Variants in COL4A5 observed in about 807,000 individuals in gnomAD.
COL4A5 encodes collagen type IV alpha 5 chain.
COL4A5 carries 26 observed loss-of-function variants against 130.2 expected under a neutral mutation model. That is an observed-to-expected ratio of 0.20 (90% CI 0.15 to 0.28). The LOEUF (loss-of-function observed/expected upper bound fraction) is 0.28. Among genes scored for constraint, COL4A5 ranks in the 10% least tolerant of loss-of-function variants. The pLI, the probability that COL4A5 is intolerant of heterozygous loss-of-function variation, is 1.00. For synonymous variants in COL4A5, 496 were observed against 439.6 expected (o/e 1.13, Z -1.60); for missense variants, 1,131 against 1,344.3 (o/e 0.84, Z 2.48).
chrX:108,539,799 G>C lies in COL4A5; in HGVS notation c.135G>C (p.Gly45=). ...AGTGTGACTGCAGTGGCATAAAAGG[G>C]GAAAAGGTGAGGTCTTAGATTGGCA... ...GSKCDCSGIK[G]EKGERGFPGL... The change falls in exon 2 of 53, where the codon GGG becomes GGC. Residue 45 remains glycine, a synonymous_variant. Transcript: ENST00000328300. The C allele has an allele frequency of 8.3e-7, 1 of 1,202,906 alleles. No individual in the cohort carries two copies. The highest frequency in any genetic ancestry group is 1.1e-6 in the Non-Finnish European group (1 of 887,876).
intron 36 of COL4A5, among the ~76,000 whole-genome samples, chrX:108,641,893 G>T (rs2067474237): frequency 8.9e-6 from 1 of 111,770 alleles, no homozygotes; most frequent in Non-Finnish European, 1.9e-5. Flanking sequence ...CTCCTGGCCA[G>T]AACTCGGGGG....
intron 28 of COL4A5, among the ~76,000 whole-genome samples, chrX:108,606,196 A>G (rs73528318): frequency 0.1 from 11,582 of 111,587 alleles, 1,300 homozygotes; most frequent in African/African-American, 0.34. Context: ...AGTAAAATGA[A>G]TAATACAATG....
At chrX:108,477,845 G>T (rs1236200486) in intron 1 of COL4A5, among the ~76,000 whole-genome samples, 1 of 108,246 alleles carries the variant, frequency 9.2e-6, no homozygotes, top group Non-Finnish European at 1.9e-5. Context: ...AGAAGAAGGA[G>T]AAATACTCAT....
intron 36 of COL4A5, among the ~76,000 whole-genome samples, chrX:108,652,318 C>T (rs1294849867): frequency 2.7e-5 from 3 of 112,102 alleles, no homozygotes. Context: ...AAAATAGAAC[C>T]TATTTATGGT....
rs866157882 is a variant in COL4A5 at position 108,485,646 on chromosome X, G to A, written c.81+45440G>A. ...AATGGAGTCCTCATGACTCTGACTG[G>A]AGCCCTATCCTACTGTGTCTGAGCT... On this transcript the variant is annotated intron_variant, in intron 1 of 52. Transcript: ENST00000328300. 2.7e-5 allele frequency among the ~76,000 whole-genome samples: 3 copies of A among 110,049 alleles called. No individual in the cohort carries two copies. The South Asian group carries it at 1.2e-3, about 44-fold the overall frequency.
chrX:108,559,337 A>C (rs1017536486), intron 3 of COL4A5, among the ~76,000 whole-genome samples, 184 bp downstream of exon 3: 1 of 112,617 alleles, frequency 8.9e-6, no homozygotes, highest in Non-Finnish European at 1.9e-5. Flanking sequence ...TATTACTGCC[A>C]TATTCAGATG....
intron 1 of COL4A5, among the ~76,000 whole-genome samples, chrX:108,484,923 T>C (rs1025835432): frequency 1.8e-5 from 2 of 112,513 alleles, no homozygotes; most frequent in Non-Finnish European, 3.8e-5. Flanking sequence ...CCAGAGATAC[T>C]GTCAGGGAGC....
At chrX:108,634,313 CT>C (rs1484630047) in intron 36 of COL4A5, among the ~76,000 whole-genome samples, 1 of 110,633 alleles carries the variant, frequency 9.0e-6, no homozygotes, top group African/African-American at 3.3e-5. Flanking sequence ...ATTGTAGACA[CT>C]GCCACCATTT....
At chrX:108,638,343 G>A (rs1019291835) in intron 36 of COL4A5, among the ~76,000 whole-genome samples, 4 of 109,939 alleles carry the variant, frequency 3.6e-5, no homozygotes, top group African/African-American at 9.9e-5. Flanking sequence ...CTTAATTAAT[G>A]CAAAAAAAAG....
In COL4A5 at chrX:108,529,105, A is replaced by G. The variant is rs760985061; in HGVS notation, c.82-10641A>G. On this transcript the variant is annotated intron_variant, in intron 1 of 52. Transcript: ENST00000328300. ...CTTCTAAATGAAACCCTATCAAATT[A>G]ACAGTGGATTGCTCAGCAGAACCTT... 5.0e-4 allele frequency among the ~76,000 whole-genome samples: 56 copies of G among 111,997 alleles called. No individual in the cohort carries two copies. The Admixed American group carries it at 5.0e-3, about 10-fold the overall frequency.
At chrX:108,470,938 G>A (rs949445035) in intron 1 of COL4A5, among the ~76,000 whole-genome samples, 7 of 111,374 alleles carry the variant, frequency 6.3e-5, no homozygotes, top group Non-Finnish European at 1.1e-4. Flanking sequence ...TGAGTTTGTC[G>A]AAGATCAGAT....
chrX:108,604,182 C>A (rs2066690616), intron 28 of COL4A5, among the ~76,000 whole-genome samples: 1 of 111,969 alleles, frequency 8.9e-6, no homozygotes, highest in Non-Finnish European at 1.9e-5. Flanking sequence ...AGAATGAAAC[C>A]CTTTTCAGAA....
chrX:108,559,698 G>A (rs946604639), intron 3 of COL4A5, among the ~76,000 whole-genome samples: 3 of 111,814 alleles, frequency 2.7e-5, no homozygotes, highest in African/African-American at 9.8e-5. Context: ...GGGGCAGGGT[G>A]GGAGAAGGAG....
chrX:108,445,923 A>G (rs893594649), intron 1 of COL4A5, among the ~76,000 whole-genome samples: 1 of 111,276 alleles, frequency 9.0e-6, no homozygotes, highest in Admixed American at 9.6e-5. Flanking sequence ...TGTTTTTACT[A>G]TTTTCTTTCC....
chrX:108,451,466 G>A (rs2064511574), intron 1 of COL4A5, among the ~76,000 whole-genome samples: 1 of 111,989 alleles, frequency 8.9e-6, no homozygotes, highest in Non-Finnish European at 1.9e-5. Context: ...CACCAACAGT[G>A]TAAAAGTGTT....
Position 108,621,878 on chromosome X carries a change from T to C in COL4A5, c.2753T>C (p.Val918Ala). Residue 918 changes from valine (V) to alanine (A), a missense_variant, in exon 32 of 53, where the codon GTA (valine) becomes GCA (alanine). Physicochemically the swap from Val to Ala is moderately conservative, Grantham distance 64. Coordinates refer to ENST00000328300, the MANE Select transcript of COL4A5 (RefSeq NM_033380.3). ...GPLGIPGRSG[V>A]PGLKGDDGLQ... The stretch of plus-strand genomic sequence containing the variant: ...TTGGGAATTCCTGGCAGGAGTGGTG[T>C]ACCTGGTCTTAAAGGTAATAATCAA... 2 of 1,201,196 alleles carry C rather than the reference T, an allele frequency of 1.7e-6. No individual in the cohort carries two copies. The highest frequency in any genetic ancestry group is 3.5e-5 in the South Asian group (2 of 56,375).
rs2066228180 is a variant in COL4A5, at chrX:108,580,599, A to G, written c.834+13A>G. ...ACGTGGTCCTCCAGTAAGTACCTAA[A>G]GTGCTTTAGCATCATTTAATGTAAA... On this transcript the variant is annotated intron_variant, in intron 14 of 52. Coordinates refer to ENST00000328300, the MANE Select transcript of COL4A5 (RefSeq NM_033380.3). 1 of 1,206,637 alleles carries G rather than the reference A, an allele frequency of 8.3e-7. No homozygotes were observed. Among genetic ancestry groups the G allele is most frequent in the African/African-American group, 1.7e-5 (1 of 57,641 alleles).
chrX:108,504,514 C>T (rs376807204), intron 1 of COL4A5, among the ~76,000 whole-genome samples: 1 of 111,877 alleles, frequency 8.9e-6, no homozygotes, highest in East Asian at 2.8e-4. Flanking sequence ...CCACAATCTA[C>T]AAGGAACTGA....
chrX:108,450,036 G>A (rs1393042456), intron 1 of COL4A5, among the ~76,000 whole-genome samples: 1 of 111,589 alleles, frequency 9.0e-6, no homozygotes, highest in Admixed American at 9.5e-5. Flanking sequence ...CATACTCTCA[G>A]GGGGGAGAAA....
Sources: allele counts gnomAD v4.1 joint callset (sites outside exome capture counted in the v4.1 genomes callset), GRCh38; gene constraint gnomAD v4.1.1; transcripts MANE v1.5; gene names NCBI Gene and HGNC (gene_info 2026-07-23, HGNC 2026-07-21).